NRXN3: variants seen among roughly 807,000 people sequenced by gnomAD.
NRXN3 encodes the protein neurexin III.
NRXN3 carries 32 observed loss-of-function variants against 137.6 expected under a neutral mutation model. That is an observed-to-expected ratio of 0.23 (90% confidence interval 0.18 to 0.31). The LOEUF (loss-of-function observed/expected upper bound fraction) is 0.31. NRXN3 is among the 10% of genes least tolerant of loss of function. The probability of loss-of-function intolerance (pLI) is 1.00; values close to 1 mark genes in which losing one functional copy is unlikely to be tolerated. For synonymous variants in NRXN3, 798 were observed against 784.5 expected, an observed-to-expected ratio of 1.02 and a Z score of -0.29; for missense variants, 1,574 against 2,062.5, an observed-to-expected ratio of 0.76 and a Z score of 4.59.
intron 8 of NRXN3, among the ~76,000 whole-genome samples, chr14:78,786,867 A>C (rs890183719): frequency 1.3e-5 from 2 of 152,142 alleles, no homozygotes; most frequent in Non-Finnish European, 2.9e-5. Flanking sequence ...TATCTCTGTA[A>C]GAAGGGAAAT....
At chr14:78,233,059 G>A (rs1458358980) in intron 1 of NRXN3, among the ~76,000 whole-genome samples, 1 of 152,184 alleles carries the variant, frequency 6.6e-6, no homozygotes, top group Non-Finnish European at 1.5e-5. Flanking sequence ...CCTTGGGGAT[G>A]GAGTATAGGT....
chr14:78,467,233 A>G (rs922432318), intron 4 of NRXN3, among the ~76,000 whole-genome samples: 1 of 152,240 alleles, frequency 6.6e-6, no homozygotes, highest in Non-Finnish European at 1.5e-5. Flanking sequence ...ATCTTTAATT[A>G]AAAAAGAAAT....
chr14:78,948,710 A>T (rs2099377116), intron 10 of NRXN3, among the ~76,000 whole-genome samples: 1 of 150,702 alleles, frequency 6.6e-6, no homozygotes. Flanking sequence ...AATACTTTAA[A>T]GAAAGCCCAG....
At chr14:78,822,710 CAAAA>C (rs57192355) in intron 10 of NRXN3, among the ~76,000 whole-genome samples, 2 of 122,584 alleles carry the variant, frequency 1.6e-5, no homozygotes, top group Non-Finnish European at 3.8e-5. Flanking sequence ...CAAAAACAAA[CAAAA>C]AAAAAAAAAA....
intron 2 of NRXN3, among the ~76,000 whole-genome samples, chr14:78,271,489 A>AAC (rs1555438753): frequency 5.5e-4 from 83 of 150,876 alleles, no homozygotes; most frequent in Middle Eastern, 3.4e-3. Flanking sequence ...AAAAAAAAAA[A>AAC]AACAAAAGGG....
intron 1 of NRXN3, among the ~76,000 whole-genome samples, chr14:78,174,842 G>T (rs1322677177): frequency 1.3e-5 from 2 of 152,200 alleles, no homozygotes; most frequent in African/African-American, 4.8e-5. Flanking sequence ...ACCCGTGGGT[G>T]GGTGGCTCAT....
intron 15 of NRXN3, among the ~76,000 whole-genome samples, chr14:79,016,813 G>A (rs972012299): frequency 1.3e-5 from 2 of 152,170 alleles, no homozygotes; most frequent in Non-Finnish European, 2.9e-5. Context: ...AGGCTCCTGG[G>A]TCTATGAACT....
At chr14:79,611,295 C>T (rs1014639141) in intron 16 of NRXN3, 1 of 152,190 alleles carries the variant, frequency 6.6e-6, no homozygotes, top group Non-Finnish European at 1.5e-5. Context: ...TGTGTGAAAA[C>T]TAACCAAAGA....
chr14:79,319,357 C>A (rs190335230), intron 15 of NRXN3, among the ~76,000 whole-genome samples: 1 of 152,256 alleles, frequency 6.6e-6, no homozygotes, highest in Non-Finnish European at 1.5e-5. Flanking sequence ...CTAAACTACA[C>A]CCCCCTGAGC....
At chr14:78,449,406 G>A (rs2094498423) in intron 4 of NRXN3, among the ~76,000 whole-genome samples, 1 of 152,122 alleles carries the variant, frequency 6.6e-6, no homozygotes, top group Non-Finnish European at 1.5e-5. Context: ...TAGAGATGGG[G>A]TTTCACCATG....
intron 15 of NRXN3, among the ~76,000 whole-genome samples, chr14:79,389,110 G>C (rs1187959905): frequency 6.6e-6 from 1 of 152,146 alleles, no homozygotes; most frequent in Non-Finnish European, 1.5e-5. Flanking sequence ...TAATGCAGGG[G>C]GTTATTTCAT....
At chr14:79,297,813 T>C (rs777940244) in intron 15 of NRXN3, among the ~76,000 whole-genome samples, 1 of 152,082 alleles carries the variant, frequency 6.6e-6, no homozygotes, top group East Asian at 1.9e-4. Context: ...AAGGGCCATT[T>C]CAAATTATTA....
At chr14:78,680,795 C>T (rs1215921674) in intron 6 of NRXN3, among the ~76,000 whole-genome samples, 2 of 152,124 alleles carry the variant, frequency 1.3e-5, no homozygotes, top group Non-Finnish European at 2.9e-5. Flanking sequence ...CCTCAATACT[C>T]TGGTTTCTGC....
At chr14:79,380,439 C>T (rs1250437729) in intron 15 of NRXN3, among the ~76,000 whole-genome samples, 1 of 147,620 alleles carries the variant, frequency 6.8e-6, no homozygotes, top group Non-Finnish European at 1.5e-5. Flanking sequence ...TGAGTGAGAA[C>T]ATGCGGTGTT....
intron 15 of NRXN3, among the ~76,000 whole-genome samples, chr14:79,407,924 C>T (rs192628276): frequency 9.2e-4 from 140 of 152,196 alleles, no homozygotes; most frequent in Non-Finnish European, 1.5e-3. Flanking sequence ...GATTCACACA[C>T]TCCTATCATG....
At chr14:78,895,528 G>T (rs1312947403) in intron 10 of NRXN3, among the ~76,000 whole-genome samples, 1 of 151,854 alleles carries the variant, frequency 6.6e-6, no homozygotes, top group Non-Finnish European at 1.5e-5. Context: ...CTCCATATAA[G>T]CAATAAGCTT....
rs143697302 is a variant in NRXN3, at chr14:79,460,435, G to A, written c.3263-6786G>A. On this transcript the variant is annotated intron_variant, in intron 15 of 20. Coordinates refer to ENST00000335750, the MANE Select transcript of NRXN3 (RefSeq NM_001330195.2). ...TTAGTGAATGGGTAGAATGTTATTT[G>A]TTTTATATTTTTCTCTCATCAGCTC... 1.8e-3 allele frequency among the ~76,000 whole-genome samples: 275 copies of A among 152,230 alleles called. 2 individuals are homozygous for A. The highest frequency in any genetic ancestry group is 6.3e-3 in the African/African-American group (262 of 41,564).
intron 15 of NRXN3, among the ~76,000 whole-genome samples, chr14:79,133,502 C>G (rs1445693145): frequency 6.6e-6 from 1 of 152,148 alleles, no homozygotes; most frequent in Non-Finnish European, 1.5e-5. Flanking sequence ...CTGCTTAACT[C>G]TCATTACTAC....
intron 15 of NRXN3, among the ~76,000 whole-genome samples, chr14:79,415,954 A>G (rs2095490816): frequency 6.6e-6 from 1 of 152,144 alleles, no homozygotes; most frequent in Non-Finnish European, 1.5e-5. Flanking sequence ...GGTTGTGAAC[A>G]CTGTTCTAAG....
Sources: gnomAD v4.1 joint callset for allele counts (sites outside exome capture counted in the v4.1 genomes callset) on GRCh38, gnomAD v4.1.1 for gene constraint, MANE v1.5 for transcripts, NCBI Gene and HGNC (gene_info 2026-07-23, HGNC 2026-07-21) for gene names.